The following TBC1D1 variants were observed in gnomAD, a reference collection of about 807,000 sequenced individuals.
The protein encoded by TBC1D1 is TBC1 (tre-2/USP6, BUB2, cdc16) domain family, member 1.
A neutral mutation model predicts 125.6 loss-of-function variants in TBC1D1; 89 were observed. The observed-to-expected ratio is 0.71, with a 90% CI of 0.60 to 0.85. The LOEUF is 0.85. Ranked by LOEUF, TBC1D1 falls within the 40% of genes least tolerant of loss-of-function variation. TBC1D1 has a pLI of 0.00. For missense variants in TBC1D1, 1,377 were observed against 1,469.2 expected, an observed-to-expected ratio of 0.94 and a Z score of 1.03; for synonymous variants, 565 against 564.1, an observed-to-expected ratio of 1.00 and a Z score of -0.02.
intron 2 of TBC1D1, among the ~76,000 whole-genome samples, chr4:37,993,140 G>A (rs1320238350): frequency 1.3e-5 from 2 of 152,096 alleles, no homozygotes; most frequent in Non-Finnish European, 2.9e-5. Flanking sequence ...AAATGTTAGC[G>A]AAGTTTAGGA....
At chr4:38,026,608 A>G (rs1344990585) in intron 6 of TBC1D1, among the ~76,000 whole-genome samples, 2 of 152,216 alleles carry the variant, frequency 1.3e-5, no homozygotes, top group Non-Finnish European at 2.9e-5. Context: ...GTGAGGCAAG[A>G]GCTGCCCTTG....
intron 2 of TBC1D1, among the ~76,000 whole-genome samples, chr4:37,924,289 CTTTG>C (rs1721627599): frequency 6.6e-6 from 1 of 152,164 alleles, no homozygotes; most frequent in African/African-American, 2.4e-5. Context: ...GTTGCCTATA[CTTTG>C]TTTGTATGAA....
At chr4:37,898,530 A>G (rs1291987029) in intron 1 of TBC1D1, among the ~76,000 whole-genome samples, 3 of 152,228 alleles carry the variant, frequency 2.0e-5, no homozygotes, top group Admixed American at 6.5e-5. Context: ...AGCAAAGGGC[A>G]GACACGCTTG....
chr4:38,004,836 G>A (rs1578230654), intron 2 of TBC1D1, among the ~76,000 whole-genome samples: 1 of 152,230 alleles, frequency 6.6e-6, no homozygotes, highest in Admixed American at 6.5e-5. Context: ...GATAATTAAA[G>A]AGTACATTTT....
At chr4:38,125,781 A>G (rs1216933758) in intron 18 of TBC1D1, among the ~76,000 whole-genome samples, 1 of 152,184 alleles carries the variant, frequency 6.6e-6, no homozygotes, top group Non-Finnish European at 1.5e-5. Context: ...GCAGATTTTG[A>G]TCCTGTACAG....
At chr4:38,131,051 T>G (rs976885781) in intron 18 of TBC1D1, among the ~76,000 whole-genome samples, 1 of 152,166 alleles carries the variant, frequency 6.6e-6, no homozygotes, top group Non-Finnish European at 1.5e-5. Flanking sequence ...TGGGGTAAAT[T>G]CAGGGGCATA....
chr4:37,938,623 C>T (rs1318732620), intron 2 of TBC1D1, among the ~76,000 whole-genome samples: 5 of 152,072 alleles, frequency 3.3e-5, no homozygotes, highest in African/African-American at 7.3e-5. Context: ...TGTTGGTGTG[C>T]TGCACCCATT....
At chr4:38,018,240 T>G (rs1743242342) in intron 3 of TBC1D1, 114 bp from the exon 4 acceptor site, 1 of 793,324 alleles carries the variant, frequency 1.3e-6, no homozygotes. Context: ...TTGAAATGAT[T>G]TCTACGATGA....
chr4:38,114,488 C>T (rs1045224008), intron 15 of TBC1D1, among the ~76,000 whole-genome samples: 14 of 152,184 alleles, frequency 9.2e-5, no homozygotes, highest in Non-Finnish European at 1.9e-4. Flanking sequence ...GAACAATTAA[C>T]GTGTGGCCTA....
intron 2 of TBC1D1, among the ~76,000 whole-genome samples, chr4:38,009,270 A>G (rs1216240696): frequency 6.6e-6 from 1 of 152,240 alleles, no homozygotes; most frequent in African/African-American, 2.4e-5. Context: ...ACAATGAGAA[A>G]GCATTTCATC....
chr4:38,022,336 A>G (rs926941238), intron 6 of TBC1D1, among the ~76,000 whole-genome samples: 36 of 152,372 alleles, frequency 2.4e-4, no homozygotes, highest in Admixed American at 2.4e-3. Flanking sequence ...TCTGTTATCT[A>G]TTTAATCCTC....
rs11096918 is a variant in TBC1D1, at chr4:38,013,029, C to G, written c.418-1480C>G. Among the ~76,000 whole-genome samples, 437 of 151,864 alleles carry G rather than the reference C, an allele frequency of 2.9e-3. 3 individuals carry two copies. Among genetic ancestry groups the G allele is most frequent in the East Asian group, 0.023 (120 of 5,118 alleles). ...AGGCTGGTCTCAACCTCCTGACCTCCTGATCTGCCCTCCTTGGCCTCCCAA... is the reference window on the plus strand; with the variant it reads ...AGGCTGGTCTCAACCTCCTGACCTCGTGATCTGCCCTCCTTGGCCTCCCAA... On this transcript the variant is annotated intron_variant, in intron 2 of 19. Coordinates refer to ENST00000261439, the MANE Select transcript of TBC1D1 (RefSeq NM_015173.4).
intron 2 of TBC1D1, among the ~76,000 whole-genome samples, chr4:37,909,148 G>A (rs1717994035): frequency 6.6e-6 from 1 of 152,142 alleles, no homozygotes; most frequent in Non-Finnish European, 1.5e-5. Context: ...GGCCCTGTAA[G>A]CACATCGCCT....
chr4:38,084,792 G>T (rs1757191532), intron 12 of TBC1D1, among the ~76,000 whole-genome samples: 1 of 151,278 alleles, frequency 6.6e-6, no homozygotes, highest in East Asian at 1.9e-4. Context: ...AATGCTCTAT[G>T]GTGGGTAACA....
intron 10 of TBC1D1, 70 bp from the exon 11 acceptor site, chr4:38,049,548 A>G: frequency 6.6e-7 from 1 of 1,509,266 alleles, no homozygotes; most frequent in South Asian, 1.3e-5. Flanking sequence ...TTGCCCGTGC[A>G]GGAACTAGAG....
At chr4:38,086,594 A>G (rs898178127) in intron 12 of TBC1D1, among the ~76,000 whole-genome samples, 1 of 152,162 alleles carries the variant, frequency 6.6e-6, no homozygotes, top group African/African-American at 2.4e-5. Context: ...CCCCCGACCA[A>G]ATTTGGGACA....
chr4:38,045,284 CT>C (rs1749181177), intron 9 of TBC1D1, among the ~76,000 whole-genome samples: 1 of 152,184 alleles, frequency 6.6e-6, no homozygotes, highest in Admixed American at 6.5e-5. Flanking sequence ...TGGCACACTT[CT>C]TTTGAAACAT....
chr4:38,086,745 T>C (rs1757547404), intron 12 of TBC1D1, among the ~76,000 whole-genome samples: 2 of 152,270 alleles, frequency 1.3e-5, no homozygotes, highest in Non-Finnish European at 2.9e-5. Flanking sequence ...AGAGTAAAGC[T>C]GCAGCGTGGA....
chr4:37,942,233 A>T (rs977749733), intron 2 of TBC1D1, among the ~76,000 whole-genome samples: 1 of 152,170 alleles, frequency 6.6e-6, no homozygotes, highest in Non-Finnish European at 1.5e-5. Context: ...TATATTTAGG[A>T]TAGTTAGCTC....
Sources: gnomAD v4.1 joint callset for allele counts (sites outside exome capture counted in the v4.1 genomes callset) on GRCh38, gnomAD v4.1.1 for gene constraint, MANE v1.5 for transcripts, NCBI Gene and HGNC (gene_info 2026-07-23, HGNC 2026-07-21) for gene names.